FAM3C: variants seen among roughly 807,000 people sequenced by gnomAD.
The protein encoded by FAM3C is protein FAM3C.
In FAM3C, 15 loss-of-function variants were observed where a neutral mutation model predicts 32.5. That is an observed-to-expected ratio of 0.46 (90% confidence interval 0.31 to 0.71). The LOEUF (loss-of-function observed/expected upper bound fraction) is 0.71. FAM3C is among the 30% of genes least tolerant of loss of function. The pLI is 0.05. For missense variants in FAM3C, 175 were observed against 274.4 expected, an observed-to-expected ratio of 0.64 and a Z score of 2.56; for synonymous variants, 75 against 86.1, an observed-to-expected ratio of 0.87 and a Z score of 0.72.
intron 1 of FAM3C, among the ~76,000 whole-genome samples, chr7:121,391,808 C>T (rs1003539508): frequency 1.3e-5 from 2 of 152,170 alleles, no homozygotes; most frequent in Non-Finnish European, 2.9e-5. Flanking sequence ...AAATGGAAAC[C>T]ATGCCTGAAG....
At chr7:121,388,759 G>A (rs553288740) in intron 1 of FAM3C, among the ~76,000 whole-genome samples, 2 of 152,174 alleles carry the variant, frequency 1.3e-5, no homozygotes, top group Non-Finnish European at 2.9e-5. Flanking sequence ...ACATCTAAAT[G>A]TGGCTAAGAA....
chr7:121,394,166 A>T (rs1189524153), intron 1 of FAM3C, among the ~76,000 whole-genome samples: 1 of 152,194 alleles, frequency 6.6e-6, no homozygotes, highest in Non-Finnish European at 1.5e-5. Context: ...CAGTATTTTT[A>T]AGAGTATAAA....
At chr7:121,359,959 T>C (rs1793886384) in intron 8 of FAM3C, 84 bp downstream of exon 8, 2 of 748,678 alleles carry the variant, frequency 2.7e-6, no homozygotes, top group South Asian at 3.0e-5. Context: ...CTTTGCTCTA[T>C]GTTACAGATT....
intron 8 of FAM3C, 80 bp from the exon 9 acceptor site, chr7:121,351,349 A>G: frequency 7.8e-7 from 1 of 1,288,396 alleles, no homozygotes; most frequent in East Asian, 2.5e-5. Context: ...TATTAACACA[A>G]AACATGAGAC....
intron 1 of FAM3C, among the ~76,000 whole-genome samples, chr7:121,387,934 CCT>C (rs1291784408): frequency 3.9e-5 from 6 of 152,004 alleles, no homozygotes; most frequent in South Asian, 2.1e-4. Context: ...TGTCAAGTAC[CCT>C]GTCTCCCCTG....
At chr7:121,357,506 T>A (rs2536172) in intron 8 of FAM3C, among the ~76,000 whole-genome samples, 85,404 of 151,826 alleles carry the variant, frequency 0.56, 26,994 homozygotes, top group African/African-American at 0.87. Flanking sequence ...GATAAAAGGG[T>A]TATATATATA....
chr7:121,371,789 T>C lies in FAM3C; in HGVS notation c.148+321A>G, dbSNP rs143298524. ...AATGTTACTTTGCACTTCTAGTCCA[T>C]ATATGCACAAAAAATCGTCACCTCC... On this transcript the variant is annotated intron_variant, in intron 4 of 9. Transcript: ENST00000359943. 1.2e-3 allele frequency among the ~76,000 whole-genome samples: 189 copies of C among 152,276 alleles called. 1 individual carries two copies. The highest frequency in any genetic ancestry group is 2.1e-3 in the Non-Finnish European group (144 of 68,010).
intron 1 of FAM3C, among the ~76,000 whole-genome samples, chr7:121,394,796 C>T (rs1168386956): frequency 6.6e-6 from 1 of 152,168 alleles, no homozygotes; most frequent in Non-Finnish European, 1.5e-5. Flanking sequence ...TGACCAAAAC[C>T]GGATGCTGAT....
chr7:121,358,574 A>C (rs952471767), intron 8 of FAM3C, among the ~76,000 whole-genome samples: 4 of 148,706 alleles, frequency 2.7e-5, no homozygotes, highest in African/African-American at 4.8e-5. Context: ...AGAGATAAAC[A>C]GGTCAAGTGA....
intron 8 of FAM3C, among the ~76,000 whole-genome samples, chr7:121,351,850 A>G (rs564885365): frequency 2.0e-5 from 3 of 152,218 alleles, no homozygotes; most frequent in Non-Finnish European, 4.4e-5. Context: ...AATGCCTACT[A>G]GCAGGAGGTG....
At chr7:121,388,507 T>C (rs1794511953) in intron 1 of FAM3C, among the ~76,000 whole-genome samples, 1 of 152,214 alleles carries the variant, frequency 6.6e-6, no homozygotes. Flanking sequence ...ATGATTATGA[T>C]GTAAATGTAT....
chr7:121,349,942 A>T lies in FAM3C; in HGVS notation c.*519T>A, dbSNP rs1793668218. The T allele has an allele frequency of 1.4e-5, 2 of 145,628 alleles. No homozygotes were observed. The highest frequency in any genetic ancestry group is 5.2e-5 in the African/African-American group (2 of 38,246). The allele number at this position is 145,628 out of a possible 1,614,324, so 9.0% of individuals were successfully genotyped here. A position where few individuals can be genotyped will look rare whatever the true frequency, so the allele number is the denominator to read the frequency against. ...ACATTCCTCAGTTTCTTGGGAAGGA[A>T]AGAAAAAGATCATGAAAAGAGGTAC... On this transcript the variant is annotated 3_prime_UTR_variant, in exon 10 of 10. Coordinates refer to ENST00000359943, the MANE Select transcript of FAM3C (RefSeq NM_014888.3).
At chr7:121,359,053 C>T (rs1793871733) in intron 8 of FAM3C, among the ~76,000 whole-genome samples, 1 of 151,748 alleles carries the variant, frequency 6.6e-6, no homozygotes, top group Non-Finnish European at 1.5e-5. Flanking sequence ...GATACCTTTT[C>T]AAACTCTTAA....
chr7:121,364,371 A>G, intron 5 of FAM3C, 183 bp from the exon 6 acceptor site: 1 of 499,202 alleles, frequency 2.0e-6, no homozygotes, highest in East Asian at 3.2e-5. Flanking sequence ...AATAATTTTA[A>G]AGCAATGTCC....
chr7:121,368,058 T>C (rs1157189988), intron 5 of FAM3C, among the ~76,000 whole-genome samples: 1 of 152,174 alleles, frequency 6.6e-6, no homozygotes, highest in African/African-American at 2.4e-5. Flanking sequence ...TACCTGCGAT[T>C]TTCTAACTAA....
chr7:121,356,662 A>G (rs139327267), intron 8 of FAM3C, among the ~76,000 whole-genome samples: 2 of 152,310 alleles, frequency 1.3e-5, no homozygotes, highest in African/African-American at 2.4e-5. Context: ...CCAGGCTCCA[A>G]TGCTGCTTTA....
intron 4 of FAM3C, 76 bp downstream of exon 4, chr7:121,372,034 T>C: frequency 9.3e-7 from 1 of 1,073,506 alleles, no homozygotes; most frequent in Non-Finnish European, 1.4e-6. Context: ...ACTGAACTAC[T>C]GACACTTTGA....
intron 1 of FAM3C, among the ~76,000 whole-genome samples, chr7:121,393,314 C>T (rs923500606): frequency 2.0e-5 from 3 of 152,020 alleles, no homozygotes; most frequent in Non-Finnish European, 4.4e-5. Flanking sequence ...TAAAATTAGT[C>T]GTGTGTGGTG....
intron 5 of FAM3C, among the ~76,000 whole-genome samples, chr7:121,365,394 G>T (rs759670871): frequency 6.6e-6 from 1 of 151,966 alleles, no homozygotes; most frequent in Non-Finnish European, 1.5e-5. Flanking sequence ...TACATTTTTG[G>T]TGCTATCCAC....
Sources: gnomAD v4.1 joint callset for allele counts (sites outside exome capture counted in the v4.1 genomes callset) on GRCh38, gnomAD v4.1.1 for gene constraint, MANE v1.5 for transcripts, NCBI Gene and HGNC (gene_info 2026-07-23, HGNC 2026-07-21) for gene names.